ABCA1: variants seen among roughly 807,000 people sequenced by gnomAD.
The protein encoded by ABCA1 is ATP binding cassette subfamily A member 1, also known as phospholipid-transporting ATPase ABCA1.
A neutral mutation model predicts 262.5 loss-of-function variants in ABCA1; 133 were observed. The observed-to-expected ratio is 0.51, with a 90% CI of 0.44 to 0.59. ABCA1 has a LOEUF of 0.59. Ranked by LOEUF, ABCA1 falls within the 20% of genes least tolerant of loss-of-function variation. ABCA1 has a pLI of 0.00. For synonymous variants in ABCA1, 1,022 were observed against 1,043.5 expected, an observed-to-expected ratio of 0.98 and a Z score of 0.40; for missense variants, 2,452 against 2,777.5, an observed-to-expected ratio of 0.88 and a Z score of 2.63.
chr9:104,826,525 A>G (rs1335305451), intron 16 of ABCA1, among the ~76,000 whole-genome samples: 1 of 152,244 alleles, frequency 6.6e-6, no homozygotes, highest in African/African-American at 2.4e-5. Context: ...CATACTGGAC[A>G]CAAGGAAGAC....
Position 104,822,533 on chromosome 9 carries a change from A to G in ABCA1, c.2791T>C (p.Phe931Leu). The G allele has an allele frequency of 6.2e-7, 1 of 1,613,966 alleles. No homozygotes were observed. The highest frequency in any genetic ancestry group is 8.5e-7 in the Non-Finnish European group (1 of 1,179,988). ...TTCCCCGCTCCATTGTGGCCCAGGAAGGAGGTGATCTGGCCCTCATAAAAA... is the reference window on the plus strand; with the variant it reads ...TTCCCCGCTCCATTGTGGCCCAGGAGGGAGGTGATCTGGCCCTCATAAAAA... ...LNFYEGQITS[F>L]LGHNGAGKTT... Residue 931 changes from phenylalanine (F) to leucine (L), a missense_variant, in exon 19 of 50, where the codon TTC becomes CTC. Phe to Leu is a conservative substitution (Grantham distance 22). Around this residue, in one of 4 missense-constraint regions of ABCA1, gnomAD observed 665 missense variants for 727.3 expected, o/e 0.91. Coordinates refer to ENST00000374736, the MANE Select transcript of ABCA1 (RefSeq NM_005502.4).
intron 35 of ABCA1, 30 bp from the exon 36 acceptor site, chr9:104,800,018 A>G (rs1358333448): frequency 6.2e-7 from 1 of 1,613,776 alleles, no homozygotes; most frequent in East Asian, 2.2e-5. Flanking sequence ...GTACAAGGTA[A>G]TGCCCCCAAA....
At chr9:104,856,317 T>C (rs1358788315) in intron 7 of ABCA1, among the ~76,000 whole-genome samples, 1 of 152,192 alleles carries the variant, frequency 6.6e-6, no homozygotes, top group Non-Finnish European at 1.5e-5. Context: ...GAGCCCCATT[T>C]TGAAGAGAGG....
In ABCA1 at chr9:104,782,627, T is replaced by C. The variant is rs527812785; in HGVS notation, c.*1688A>G. ...TCCATATGGAAGTATTTGTTGTTTT[T>C]ATATTTTTCTTGACTAGTGATTGAA... is the stretch of plus-strand genomic sequence containing the variant. On this transcript the variant is annotated 3_prime_UTR_variant, in exon 50 of 50. Coordinates refer to ENST00000374736, the MANE Select transcript of ABCA1 (RefSeq NM_005502.4). 26 of 152,208 alleles carry C rather than the reference T, an allele frequency of 1.7e-4. No homozygotes were observed. The highest frequency in any genetic ancestry group is 2.6e-4 in the Non-Finnish European group (18 of 68,034). The allele number at this position is 152,208 out of a possible 1,614,324, so 9.4% of individuals were successfully genotyped here. A position where few individuals can be genotyped will look rare whatever the true frequency, so the allele number is the denominator to read the frequency against.
chr9:104,799,127 A>T (rs1471697115), intron 36 of ABCA1, among the ~76,000 whole-genome samples: 1 of 152,160 alleles, frequency 6.6e-6, no homozygotes, highest in Non-Finnish European at 1.5e-5. Context: ...AGCCCATTAC[A>T]TGGGGTCTTG....
chr9:104,829,627 A>G (rs80246211), intron 14 of ABCA1, among the ~76,000 whole-genome samples: 5 of 152,092 alleles, frequency 3.3e-5, no homozygotes, highest in Non-Finnish European at 1.5e-5. Flanking sequence ...CAGATTTTGG[A>G]CCCTGAACTT....
At chr9:104,819,883 G>T in intron 21 of ABCA1, 44 bp downstream of exon 21, 9 of 1,609,538 alleles carry the variant, frequency 5.6e-6, no homozygotes, top group Non-Finnish European at 7.6e-6. Flanking sequence ...TGTGTAGCCG[G>T]AGGAGGAGGG....
At chr9:104,818,974 G>T (rs1832026362) in intron 22 of ABCA1, 91 bp from the exon 23 acceptor site, 1 of 1,262,208 alleles carries the variant, frequency 7.9e-7, no homozygotes. Context: ...TATTAGCAGG[G>T]GTAAGCACTG....
At chr9:104,837,138 AG>A in intron 10 of ABCA1, 42 bp from the exon 11 acceptor site, 1 of 1,501,770 alleles carries the variant, frequency 6.7e-7, no homozygotes, top group Non-Finnish European at 9.2e-7. Context: ...AAAAAGGAGG[AG>A]AAGCACAGAC....
chr9:104,840,832 T>A (rs1834301121), intron 8 of ABCA1, among the ~76,000 whole-genome samples: 1 of 152,188 alleles, frequency 6.6e-6, no homozygotes, highest in Admixed American at 6.5e-5. Flanking sequence ...AGGTGATTCC[T>A]ATGCTCACTA....
At chr9:104,837,641 C>A in intron 9 of ABCA1, 74 bp from the exon 10 acceptor site, 1 of 1,570,770 alleles carries the variant, frequency 6.4e-7, no homozygotes, top group South Asian at 1.1e-5. Flanking sequence ...GGCTTTGGAG[C>A]CAGAGAGTTC....
chr9:104,890,674 C>T (rs1225494345), intron 2 of ABCA1, among the ~76,000 whole-genome samples: 1 of 151,762 alleles, frequency 6.6e-6, no homozygotes, highest in African/African-American at 2.4e-5. Context: ...TCATAGCTCA[C>T]TGGAACGTCA....
chr9:104,822,812 T>C (rs900534294), intron 18 of ABCA1, 145 bp from the exon 19 acceptor site: 33 of 903,236 alleles, frequency 3.7e-5, no homozygotes, highest in Non-Finnish European at 5.4e-5. Flanking sequence ...AGGCTATAAA[T>C]GTTTATTTAG....
Position 104,858,644 on chromosome 9 carries a change from A to C in ABCA1, c.598T>G (p.Ser200Ala). 2 of 1,614,200 alleles carry C rather than the reference A, an allele frequency of 1.2e-6. No homozygotes were observed. Among genetic ancestry groups the C allele is most frequent in the Non-Finnish European group, 1.7e-6 (2 of 1,180,042 alleles). Reference sequence around the variant, plus strand: ...TCACCAAGTTGAATCATCTCTTCTGATTTTGATCCATTGCACAGACTTGTC... The same window carrying C: ...TCACCAAGTTGAATCATCTCTTCTGCTTTTGATCCATTGCACAGACTTGTC... Reference protein sequence around the residue: ...HLTSLCNGSKSEEMIQLGDQE... With the variant: ...HLTSLCNGSKAEEMIQLGDQE... The change falls in exon 7 of 50, where the codon TCA becomes GCA. Residue 200 changes from serine to alanine, a missense_variant. This residue lies in a region of ABCA1 where 1,032 missense variants were observed against 1,089.7 expected (regional missense o/e 0.95). Transcript: ENST00000374736.
Position 104,851,168 on chromosome 9 carries a change from A to G in ABCA1, c.721-5599T>C, listed in dbSNP as rs1254012387. 2.0e-5 allele frequency among the ~76,000 whole-genome samples: 3 copies of G among 152,184 alleles called. No homozygotes were observed. In the East Asian group the frequency reaches 5.8e-4, roughly 29 times the overall value. On this transcript the variant is annotated intron_variant, in intron 7 of 49. Transcript: ENST00000374736. Reference sequence around the variant, plus strand: ...GCCCCATTCTTTCTGGGTCTAAGAGATGGCTTCATTATATTCTTTCCATCC... The same window carrying G: ...GCCCCATTCTTTCTGGGTCTAAGAGGTGGCTTCATTATATTCTTTCCATCC...
At chr9:104,812,752 A>G (rs1831389059) in intron 27 of ABCA1, 30 bp from the exon 28 acceptor site, 1 of 1,614,112 alleles carries the variant, frequency 6.2e-7, no homozygotes, top group Non-Finnish European at 8.5e-7. Context: ...AAGGTCACCT[A>G]TTATCTTAGG....
chr9:104,864,990 T>C (rs958712923), intron 5 of ABCA1, among the ~76,000 whole-genome samples: 2 of 152,148 alleles, frequency 1.3e-5, no homozygotes, highest in Admixed American at 6.6e-5. Context: ...ACGTGCATGG[T>C]GTGGTAGGTT....
chr9:104,900,576 G>A (rs961729995), intron 2 of ABCA1, among the ~76,000 whole-genome samples: 1 of 152,198 alleles, frequency 6.6e-6, no homozygotes, highest in Admixed American at 6.5e-5. Flanking sequence ...TAAGCCAGGT[G>A]GATTGGAAAG....
At chr9:104,828,802 G>C in intron 15 of ABCA1, 114 bp downstream of exon 15, 2 of 1,076,914 alleles carry the variant, frequency 1.9e-6, no homozygotes, top group South Asian at 2.7e-5. Context: ...GAAATGACAG[G>C]TATGACCCCT....
Sources: allele counts gnomAD v4.1 joint callset (sites outside exome capture counted in the v4.1 genomes callset), GRCh38; gene constraint gnomAD v4.1.1; regional missense constraint gnomAD v4.1.1; transcripts MANE v1.5; gene names NCBI Gene and HGNC (gene_info 2026-07-23, HGNC 2026-07-21).